ATP7A: variants seen among roughly 807,000 people sequenced by gnomAD.
ATP7A encodes copper-transporting ATPase 1.
Under a neutral mutation model 83.5 loss-of-function variants are expected in ATP7A, and 7 were observed. That is an observed-to-expected ratio of 0.08 (90% CI 0.05 to 0.16). ATP7A has a LOEUF of 0.16. Ranked by LOEUF, ATP7A falls within the 10% of genes least tolerant of loss-of-function variation. The pLI, the probability that ATP7A is intolerant of heterozygous loss-of-function variation, is 1.00. For missense variants in ATP7A, 940 were observed against 1,120.8 expected, an observed-to-expected ratio of 0.84 and a Z score of 2.30; for synonymous variants, 354 against 395.2, an observed-to-expected ratio of 0.90 and a Z score of 1.24.
intron 1 of ATP7A, among the ~76,000 whole-genome samples, chrX:77,952,083 A>G (rs1295717347): frequency 8.9e-6 from 1 of 111,801 alleles, no homozygotes; most frequent in Non-Finnish European, 1.9e-5. Context: ...ACCACAGTTT[A>G]TTTATCCATT....
intron 1 of ATP7A, chrX:77,962,422 A>G (rs1194245841): frequency 3.3e-5 from 7 of 214,779 alleles, no homozygotes; most frequent in Admixed American, 6.1e-5. Context: ...CTGCTCCCAT[A>G]CTGTGGAGTG....
At chrX:77,932,581 C>T (rs1157406454) in intron 1 of ATP7A, among the ~76,000 whole-genome samples, 7 of 112,149 alleles carry the variant, frequency 6.2e-5, no homozygotes, top group African/African-American at 1.6e-4. Flanking sequence ...TGTAGCGAGC[C>T]GCGATCACGC....
chrX:77,998,482 G>A lies in ATP7A; in HGVS notation c.1341G>A (p.Thr447=), dbSNP rs782292643. The A allele has an allele frequency of 2.7e-5, 33 of 1,209,244 alleles. No individual in the cohort carries two copies. Among genetic ancestry groups the A allele is most frequent in the Non-Finnish European group, 3.4e-5 (30 of 894,411 alleles). The stretch of plus-strand genomic sequence containing the variant: ...GAATCTTTCCCTTTCTACCAGACAC[G>A]AATGAGCCGTTGGTAGTAATAGCTC... The part of the protein sequence containing the change: ...DMGFDATLSD[T]NEPLVVIAQP... The change falls in exon 5 of 23, where the codon ACG becomes ACA. Residue 447 remains threonine (T), a synonymous_variant. Coordinates refer to ENST00000341514, the MANE Select transcript of ATP7A (RefSeq NM_000052.7).
chrX:78,029,480 A>C, intron 15 of ATP7A, 36 bp downstream of exon 15: 1 of 1,152,069 alleles, frequency 8.7e-7, no homozygotes, highest in Non-Finnish European at 1.2e-6. Context: ...CTGTACCACC[A>C]AACTATCAAT....
chrX:77,927,393 G>T (rs1157497603), intron 1 of ATP7A, among the ~76,000 whole-genome samples: 1 of 111,559 alleles, frequency 9.0e-6, no homozygotes, highest in East Asian at 2.8e-4. Context: ...ATTGTTTGTA[G>T]CCTCTTTTTT....
chrX:77,991,832 G>A (rs1047732040), intron 4 of ATP7A, among the ~76,000 whole-genome samples: 2 of 109,385 alleles, frequency 1.8e-5, no homozygotes, highest in Admixed American at 2.0e-4. Context: ...GACCAGCCTT[G>A]GTAACATGAT....
In ATP7A at chrX:78,038,839, C is replaced by T. The variant is rs781866452; in HGVS notation, c.3515C>T (p.Ala1172Val). The part of the protein sequence containing the change: ...SMIIDAQISN[A>V]LNAQQYKVLI... The stretch of plus-strand genomic sequence containing the variant: ...TTATTTCTGTGCCTACTTTCAGATG[C>T]TCTTAATGCTCAGCAGTATAAAGTC... The change falls in exon 18 of 23, where the codon GCT (alanine) becomes GTT (valine). Residue 1172 changes from alanine to valine, a missense_variant. Physicochemically the swap from Ala to Val is moderately conservative, Grantham distance 64 (BLOSUM62 0). Around this residue, in one of 3 missense-constraint regions of ATP7A, gnomAD observed 386 missense variants for 502.2 expected, o/e 0.77. Transcript: ENST00000341514. The T allele has an allele frequency of 8.3e-6, 10 of 1,209,920 alleles. No individual in the cohort carries two copies. In the South Asian group the frequency reaches 1.6e-4, roughly 19 times the overall value.
chrX:77,995,619 T>C (rs2077698972), intron 4 of ATP7A, among the ~76,000 whole-genome samples: 1 of 109,450 alleles, frequency 9.1e-6, no homozygotes. Context: ...AGATGCCTTT[T>C]ATCCTGACTA....
At chrX:77,932,553 C>T (rs1384758896) in intron 1 of ATP7A, among the ~76,000 whole-genome samples, 14 of 109,670 alleles carry the variant, frequency 1.3e-4, no homozygotes, top group Non-Finnish European at 2.1e-4. Flanking sequence ...CCAAGGCAGG[C>T]GGCTGGGAGG....
At chrX:78,045,822 G>A (rs782009917) in intron 22 of ATP7A, among the ~76,000 whole-genome samples, 8 of 111,125 alleles carry the variant, frequency 7.2e-5, no homozygotes, top group Non-Finnish European at 1.3e-4. Flanking sequence ...ATGTCTACTA[G>A]AAATACAAAA....
At chrX:77,944,480 A>G (rs782127894) in intron 1 of ATP7A, among the ~76,000 whole-genome samples, 69 of 111,544 alleles carry the variant, frequency 6.2e-4, no homozygotes, top group African/African-American at 2.2e-3. Context: ...TCTCTAGCTC[A>G]GGCTGGAGTG....
intron 4 of ATP7A, among the ~76,000 whole-genome samples, chrX:77,993,081 TATATC>T (rs1243427539): frequency 2.7e-5 from 3 of 112,514 alleles, no homozygotes; most frequent in Non-Finnish European, 5.6e-5. Flanking sequence ...ATAAATTAGT[TATATC>T]AGTATCACCA....
chrX:77,921,049 A>T (rs1331257464), intron 1 of ATP7A, among the ~76,000 whole-genome samples: 1 of 112,268 alleles, frequency 8.9e-6, no homozygotes, highest in Non-Finnish European at 1.9e-5. Context: ...TATATGTGAG[A>T]ATTTCTTTCC....
chrX:78,024,720 G>A (rs949037248), intron 14 of ATP7A, among the ~76,000 whole-genome samples: 1 of 111,405 alleles, frequency 9.0e-6, no homozygotes, highest in Non-Finnish European at 1.9e-5. Flanking sequence ...AGCTATCAGA[G>A]GGGCATACTC....
chrX:78,034,296 T>C (rs1419870256), intron 17 of ATP7A, among the ~76,000 whole-genome samples: 1 of 111,506 alleles, frequency 9.0e-6, no homozygotes, highest in Non-Finnish European at 1.9e-5. Context: ...GGGACCTCCC[T>C]CTTTCTGTTA....
At chrX:77,965,300 A>G (rs1244456040) in intron 1 of ATP7A, 5 of 254,617 alleles carry the variant, frequency 2.0e-5, no homozygotes, top group South Asian at 1.5e-4. Flanking sequence ...CCAAGAATAT[A>G]AAGAACTCTT....
intron 1 of ATP7A, among the ~76,000 whole-genome samples, chrX:77,915,108 C>T (rs1416838184): frequency 2.7e-5 from 3 of 111,254 alleles, no homozygotes; most frequent in African/African-American, 6.5e-5. Flanking sequence ...TGAGCCCAGG[C>T]GTTCGAGACC....
chrX:78,015,082 A>T (rs1283026080), intron 11 of ATP7A, among the ~76,000 whole-genome samples: 1 of 112,567 alleles, frequency 8.9e-6, no homozygotes, highest in African/African-American at 3.2e-5. Flanking sequence ...CCCAATTCAT[A>T]TTCACATTTC....
intron 9 of ATP7A, among the ~76,000 whole-genome samples, chrX:78,012,156 C>CT (rs1268783719): frequency 1.2e-4 from 13 of 111,096 alleles, no homozygotes; most frequent in African/African-American, 4.2e-4. Context: ...CAGTTCATTA[C>CT]TTTCTGTATG....
Sources: gnomAD v4.1 joint callset for allele counts (sites outside exome capture counted in the v4.1 genomes callset) on GRCh38, gnomAD v4.1.1 for gene constraint, gnomAD v4.1.1 regional missense constraint, MANE v1.5 for transcripts, NCBI Gene and HGNC (gene_info 2026-07-23, HGNC 2026-07-21) for gene names.